The following MSN variants were observed in gnomAD, a reference collection of about 807,000 sequenced individuals.
The protein encoded by MSN is epididymis luminal protein 70.
MSN carries 2 observed loss-of-function variants against 48.0 expected under a neutral mutation model. The ratio of observed to expected loss-of-function variants is 0.04; its 90% CI spans 0.02 to 0.13. The LOEUF is 0.13. MSN is among the 10% of genes least tolerant of loss of function. MSN has a pLI of 1.00. For missense variants in MSN, 267 were observed against 470.1 expected (o/e 0.57, Z 3.99); for synonymous variants, 146 against 166.9 (o/e 0.87, Z 0.97).
chrX:65,666,457 G>T (rs2070871177), upstream of MSN, among the ~76,000 whole-genome samples: 1 of 110,091 alleles, frequency 9.1e-6, no homozygotes, highest in Admixed American at 9.7e-5. Flanking sequence ...CTCCCGAGTA[G>T]CTCGGATTAC....
At chrX:65,650,941 T>A (rs890644797) in intron 1 of MSN, among the ~76,000 whole-genome samples, 4 of 111,277 alleles carry the variant, frequency 3.6e-5, no homozygotes, top group Non-Finnish European at 1.9e-5. Context: ...TCACACTGCA[T>A]CACTCTGACA....
At chrX:65,618,698 T>C (rs1452478236) in intron 1 of MSN, among the ~76,000 whole-genome samples, 1 of 110,278 alleles carries the variant, frequency 9.1e-6, no homozygotes, top group Admixed American at 9.6e-5. Flanking sequence ...GAGCATTTAG[T>C]CCATTTACAT....
chrX:65,671,990 G>A, intron 1 of MSN, among the ~76,000 whole-genome samples: 1 of 112,307 alleles, frequency 8.9e-6, no homozygotes, highest in Non-Finnish European at 1.9e-5. Context: ...TGATGGAGCT[G>A]GAAAGGACAT....
At chrX:65,721,160 G>A (rs2071513046) in intron 2 of MSN, among the ~76,000 whole-genome samples, 1 of 111,634 alleles carries the variant, frequency 9.0e-6, no homozygotes, top group African/African-American at 3.3e-5. Flanking sequence ...GCATAGAAAG[G>A]CACATGCAAC....
intron 1 of MSN, among the ~76,000 whole-genome samples, chrX:65,641,173 A>C (rs1051247242): frequency 5.4e-5 from 6 of 110,857 alleles, no homozygotes; most frequent in African/African-American, 2.0e-4. Flanking sequence ...TTAGTGGTAC[A>C]GTTGACTACA....
chrX:65,708,799 C>T (rs1158539489), intron 1 of MSN, among the ~76,000 whole-genome samples: 1 of 111,278 alleles, frequency 9.0e-6, no homozygotes, highest in African/African-American at 3.3e-5. Flanking sequence ...TCTCCTGCCT[C>T]AGCCTCCTGA....
chrX:65,697,977 C>T (rs2147481091), intron 1 of MSN, among the ~76,000 whole-genome samples: 1 of 111,821 alleles, frequency 8.9e-6, no homozygotes, highest in East Asian at 2.8e-4. Flanking sequence ...AAAACTGCAG[C>T]TCCCTCCCCA....
intron 2 of MSN, among the ~76,000 whole-genome samples, chrX:65,724,058 A>C (rs1602854433): frequency 9.7e-6 from 1 of 102,961 alleles, no homozygotes. Context: ...TTTTGACATC[A>C]CTTTAGGTAT....
Position 65,728,403 on chromosome X carries a change from C to T in MSN, c.192+494C>T, listed in dbSNP as rs745339051. 2.7e-5 allele frequency among the ~76,000 whole-genome samples: 3 copies of T among 111,619 alleles called. No individual in the cohort carries two copies. The East Asian group carries it at 8.4e-4, about 31-fold the overall frequency. On this transcript the variant is annotated intron_variant, in intron 3 of 12. Coordinates refer to ENST00000360270, the MANE Select transcript of MSN (RefSeq NM_002444.3). ...CCGCCTCCTGGGTTCACGCCATTCT[C>T]CTGCTTCAGCCTCTCGAGTAGCTGG...
intron 1 of MSN, among the ~76,000 whole-genome samples, chrX:65,621,571 A>G (rs745915850): frequency 3.6e-5 from 4 of 111,738 alleles, no homozygotes; most frequent in African/African-American, 1.3e-4. Flanking sequence ...CTTTTTCAAG[A>G]TTGTGTTAGC....
At chrX:65,686,637 CTG>C (rs2071117906) in intron 1 of MSN, among the ~76,000 whole-genome samples, 1 of 112,482 alleles carries the variant, frequency 8.9e-6, no homozygotes, top group African/African-American at 3.2e-5. Context: ...GCAGGAATAT[CTG>C]TGTTTCCATA....
intron 1 of MSN, chrX:65,624,666 GT>G (rs1277557024): frequency 9.7e-6 from 1 of 103,065 alleles, no homozygotes; most frequent in African/African-American, 3.5e-5. Flanking sequence ...TAAATTTCCA[GT>G]CCCAGCTACT....
rs141980734 is a variant in MSN, at chrX:65,669,605, G to C, written c.12+1752G>C. On this transcript the variant is annotated intron_variant, in intron 1 of 12. Transcript: ENST00000360270. ...TTGTAGTCAGGCCTGGAGTAATGAGGGTACCTAAATACTGAAGGCATTTTT... is the reference window on the plus strand; with the variant it reads ...TTGTAGTCAGGCCTGGAGTAATGAGCGTACCTAAATACTGAAGGCATTTTT... Among the ~76,000 whole-genome samples the C allele has an allele frequency of 1.8e-3, 196 of 110,903 alleles. 3 individuals are homozygous for C. Among genetic ancestry groups the C allele is most frequent in the African/African-American group, 6.2e-3 (189 of 30,502 alleles).
Position 65,614,694 on chromosome X carries a change from T to C in MSN, c.-22+26082T>C, listed in dbSNP as rs756055512. Among the ~76,000 whole-genome samples the C allele has an allele frequency of 4.2e-5, 4 of 95,287 alleles. No homozygotes were observed. The East Asian group carries it at 1.1e-3, about 27-fold the overall frequency. 82.7% of individuals were successfully genotyped at this position (95,287 alleles called of 115,157 possible). A position where few individuals can be genotyped will look rare whatever the true frequency, so the allele number is the denominator to read the frequency against. ...TTTTTTTTTTCTTTTATTTATTTATTTATTTTTTCTTTTTTTTTTTTAATT... is the reference window on the plus strand; with the variant it reads ...TTTTTTTTTTCTTTTATTTATTTATCTATTTTTTCTTTTTTTTTTTTAATT... On this transcript the variant is annotated intron_variant, in intron 1 of 3. Coordinates refer to the MSN transcript ENST00000609672.
chrX:65,653,083 C>G (rs1235414275), intron 1 of MSN, among the ~76,000 whole-genome samples: 1 of 111,772 alleles, frequency 8.9e-6, no homozygotes, highest in Non-Finnish European at 1.9e-5. Flanking sequence ...TAGAACCAGA[C>G]CTCTTGGCCC....
intron 1 of MSN, among the ~76,000 whole-genome samples, chrX:65,701,476 G>A (rs749784711): frequency 9.8e-5 from 11 of 112,092 alleles, no homozygotes; most frequent in Non-Finnish European, 2.1e-4. Context: ...CATTTCAACA[G>A]CATCAAGGCC....
intron 2 of MSN, among the ~76,000 whole-genome samples, chrX:65,724,927 T>G (rs1332760514): frequency 9.0e-6 from 1 of 111,718 alleles, no homozygotes; most frequent in Admixed American, 9.5e-5. Flanking sequence ...GACCTCATGA[T>G]CTGCCCATCT....
Position 65,740,334 on chromosome X carries a change from G to A in MSN, c.*441G>A, listed in dbSNP as rs1382652863. 4 of 179,119 alleles carry A rather than the reference G, an allele frequency of 2.2e-5. No homozygotes were observed. Among genetic ancestry groups the A allele is most frequent in the African/African-American group, 1.2e-4 (4 of 34,104 alleles). The allele number at this position is 179,119 out of a possible 1,213,427, so 14.8% of individuals were successfully genotyped here. ...TGGAGTGTTATGCGGTCTAGGGAAT[G>A]AGACAGGACCTAGGATATCTTCTCC... On this transcript the variant is annotated 3_prime_UTR_variant, in exon 13 of 13. Transcript: ENST00000360270.
At chrX:65,693,945 C>T (rs866094271) in intron 1 of MSN, among the ~76,000 whole-genome samples, 36 of 110,461 alleles carry the variant, frequency 3.3e-4, no homozygotes, top group African/African-American at 1.1e-3. Flanking sequence ...CCCAGCTATT[C>T]GGGAGGCTGA....
Sources: allele counts gnomAD v4.1 joint callset (sites outside exome capture counted in the v4.1 genomes callset), GRCh38; gene constraint gnomAD v4.1.1; transcripts MANE v1.5; gene names NCBI Gene and HGNC (gene_info 2026-07-23, HGNC 2026-07-21).